SMAD2: variants seen among roughly 807,000 people sequenced by gnomAD.
The protein encoded by SMAD2 is MAD homolog 2.
In SMAD2, 8 loss-of-function variants were observed where a neutral mutation model predicts 64.4. The observed-to-expected ratio is 0.12, with a 90% CI of 0.07 to 0.22. The LOEUF (loss-of-function observed/expected upper bound fraction) is 0.22, where lower values mean the gene tolerates loss of function less well. Among genes scored for constraint, SMAD2 ranks in the 10% least tolerant of loss-of-function variants. The probability of loss-of-function intolerance (pLI) is 1.00; values close to 1 mark genes in which losing one functional copy is unlikely to be tolerated. For synonymous variants in SMAD2, 203 were observed against 195.8 expected (o/e 1.04, Z -0.31); for missense variants, 289 against 561.2 (o/e 0.51, Z 4.90).
chr18:47,890,190 C>G (rs75997371), intron 2 of SMAD2, among the ~76,000 whole-genome samples: 2 of 152,172 alleles, frequency 1.3e-5, no homozygotes. Context: ...GTGTGTTTCA[C>G]GTGATACTTG....
At chr18:47,861,864 CAT>C (rs373193660) in intron 6 of SMAD2, among the ~76,000 whole-genome samples, 9 of 152,312 alleles carry the variant, frequency 5.9e-5, no homozygotes, top group African/African-American at 1.9e-4. Flanking sequence ...GGTTAGAACA[CAT>C]AGATGCCTTA....
At position 47,845,459 on chromosome 18, in the gene SMAD2, G is replaced by T. The variant is rs2144288062; in HGVS notation, c.1161C>A (p.Asn387Lys). 1 of 1,613,624 alleles carries T rather than the reference G, an allele frequency of 6.2e-7. No individual in the cohort carries two copies. The change falls in exon 10 of 11, where the codon AAC becomes AAA. Residue 387 changes from asparagine to lysine, a missense_variant. This residue lies in a region of SMAD2 where 49 missense variants were observed against 101.1 expected (regional missense o/e 0.48). Coordinates refer to ENST00000262160, the MANE Select transcript of SMAD2 (RefSeq NM_005901.6). ...PPGCNLKIFN[N>K]QEFAALLAQS... Reference sequence around the variant, plus strand: ...GAGCCAGAAGAGCAGCAAATTCCTGGTTGTTGAAGATCTTCAGATTACAGC... The same window carrying T: ...GAGCCAGAAGAGCAGCAAATTCCTGTTTGTTGAAGATCTTCAGATTACAGC...
chr18:47,861,402 A>C (rs899086061), intron 6 of SMAD2, among the ~76,000 whole-genome samples: 2 of 152,208 alleles, frequency 1.3e-5, no homozygotes, highest in Non-Finnish European at 2.9e-5. Flanking sequence ...TCAAGAATCT[A>C]CAGAATTCTA....
intron 6 of SMAD2, among the ~76,000 whole-genome samples, chr18:47,857,712 C>A (rs531644508): frequency 3.3e-4 from 50 of 152,310 alleles, no homozygotes; most frequent in African/African-American, 1.2e-3. Context: ...AGACAAAGGA[C>A]TGAGCTTGCC....
At chr18:47,894,666 A>G (rs1044261086) in intron 2 of SMAD2, among the ~76,000 whole-genome samples, 1 of 152,242 alleles carries the variant, frequency 6.6e-6, no homozygotes, top group Non-Finnish European at 1.5e-5. Flanking sequence ...CCTCCTCTGG[A>G]TATAGCCCCA....
chr18:47,882,555 G>A (rs2032669892), intron 2 of SMAD2: 1 of 152,164 alleles, frequency 6.6e-6, no homozygotes, highest in African/African-American at 2.4e-5. Context: ...ACTCAATTAT[G>A]ATGTATTCTT....
intron 1 of SMAD2, among the ~76,000 whole-genome samples, chr18:47,901,547 T>C (rs1253598436): frequency 6.8e-6 from 1 of 146,186 alleles, no homozygotes. Context: ...ACATATTCTA[T>C]ATCCAATTTT....
intron 6 of SMAD2, among the ~76,000 whole-genome samples, chr18:47,851,547 T>C (rs2030082401): frequency 6.6e-6 from 1 of 152,138 alleles, no homozygotes; most frequent in Admixed American, 6.5e-5. Flanking sequence ...CAGTTTTGGC[T>C]TCTAGCCCAA....
chr18:47,929,605 T>C (rs1050247932), intron 1 of SMAD2, among the ~76,000 whole-genome samples: 9 of 152,208 alleles, frequency 5.9e-5, no homozygotes, highest in African/African-American at 2.2e-4. Flanking sequence ...TTTAAAGGTA[T>C]GGTTGACAAC....
At position 47,836,914 on chromosome 18, in the gene SMAD2, A is replaced by G. The variant is rs554523739; in HGVS notation, c.*4913T>C. On this transcript the variant is annotated 3_prime_UTR_variant, in exon 11 of 11. Coordinates refer to ENST00000262160, the MANE Select transcript of SMAD2 (RefSeq NM_005901.6). Reference sequence around the variant, plus strand: ...GTAATAAAAAATTGAAAAGGAAGATATAAAAAGAACTCAATAGCAGGATTC... The same window carrying G: ...GTAATAAAAAATTGAAAAGGAAGATGTAAAAAGAACTCAATAGCAGGATTC... The G allele has an allele frequency of 4.7e-6, 1 of 211,176 alleles. No homozygotes were observed. Among genetic ancestry groups the G allele is most frequent in the Non-Finnish European group, 9.6e-6 (1 of 103,958 alleles). The allele number at this position is 211,176 out of a possible 1,614,324, so 13.1% of individuals were successfully genotyped here. A position where few individuals can be genotyped will look rare whatever the true frequency, so the allele number is the denominator to read the frequency against.
At position 47,821,695 on chromosome 18, in the gene SMAD2, T is replaced by C. The variant is rs1210810096; in HGVS notation, c.*20132A>G. 6.6e-6 allele frequency: 1 copy of C among 152,224 alleles called. No individual in the cohort carries two copies. Among genetic ancestry groups the C allele is most frequent in the Non-Finnish European group, 1.5e-5 (1 of 68,032 alleles). The allele number at this position is 152,224 out of a possible 1,614,324, so 9.4% of individuals were successfully genotyped here. On this transcript the variant is annotated 3_prime_UTR_variant, in exon 11 of 11. Coordinates refer to ENST00000262160, the MANE Select transcript of SMAD2 (RefSeq NM_005901.6). The stretch of plus-strand genomic sequence containing the variant: ...AGTCACACTGCAAGAGATTTTTCTT[T>C]ACCATTTTGGCAACTGGCCTAAGAA...
intron 3 of SMAD2, 130 bp from the exon 4 acceptor site, chr18:47,869,566 T>C: frequency 1.4e-6 from 1 of 710,054 alleles, no homozygotes; most frequent in South Asian, 1.7e-5. Flanking sequence ...TTAGTTTTAG[T>C]GAGAATCAAG....
rs1912282318 is a variant in SMAD2 at position 47,813,774 on chromosome 18, G to C, written c.*28053C>G. On this transcript the variant is annotated 3_prime_UTR_variant, in exon 11 of 11. Coordinates refer to ENST00000262160, the MANE Select transcript of SMAD2 (RefSeq NM_005901.6). ...GCTATGTTGATCAGGCTGGAAACCTGGGTCTTGAATAATGGATACATTTGG... is the reference window on the plus strand; with the variant it reads ...GCTATGTTGATCAGGCTGGAAACCTCGGTCTTGAATAATGGATACATTTGG... 1.4e-5 allele frequency: 2 copies of C among 140,876 alleles called. No individual in the cohort carries two copies. The allele number at this position is 140,876 out of a possible 1,614,324, so 8.7% of individuals were successfully genotyped here.
intron 6 of SMAD2, among the ~76,000 whole-genome samples, chr18:47,862,355 T>C (rs1321113719): frequency 2.6e-5 from 4 of 152,180 alleles, no homozygotes; most frequent in African/African-American, 9.7e-5. Context: ...TTTCAGAGCT[T>C]TGAAGGACCT....
intron 2 of SMAD2, among the ~76,000 whole-genome samples, chr18:47,876,697 A>G (rs1017330880): frequency 2.0e-5 from 3 of 152,130 alleles, no homozygotes; most frequent in Non-Finnish European, 2.9e-5. Context: ...AACTTTTACA[A>G]TAAGTATTTC....
chr18:47,923,588 C>T (rs2034648331), intron 1 of SMAD2: 1 of 152,222 alleles, frequency 6.6e-6, no homozygotes, highest in Non-Finnish European at 1.5e-5. Context: ...AGCAGGTCTA[C>T]AGCAAAAATT....
Position 47,852,656 on chromosome 18 carries a change from C to T in SMAD2, c.731-1329G>A, listed in dbSNP as rs188345914. ...GTTAGTAACTTTCTAGGGTTTACTA[C>T]GAGACATTATTCTATGAAGGGTGAC... is the stretch of plus-strand genomic sequence containing the variant. On this transcript the variant is annotated intron_variant, in intron 6 of 10. Transcript: ENST00000262160. 2.4e-4 allele frequency among the ~76,000 whole-genome samples: 36 copies of T among 152,176 alleles called. No homozygotes were observed. In the East Asian group the frequency reaches 4.6e-3, roughly 20 times the overall value.
At chr18:47,914,556 A>G (rs2144523848) in intron 1 of SMAD2, among the ~76,000 whole-genome samples, 1 of 152,282 alleles carries the variant, frequency 6.6e-6, no homozygotes, top group Non-Finnish European at 1.5e-5. Flanking sequence ...AAAGATCAGA[A>G]ATTTGGTTTT....
chr18:47,926,232 T>G (rs967393009), intron 1 of SMAD2, among the ~76,000 whole-genome samples: 1 of 152,206 alleles, frequency 6.6e-6, no homozygotes, highest in Non-Finnish European at 1.5e-5. Flanking sequence ...AGCACAATCT[T>G]CAACCCCTTT....
Sources: allele counts gnomAD v4.1 joint callset (sites outside exome capture counted in the v4.1 genomes callset), GRCh38; gene constraint gnomAD v4.1.1; regional missense constraint gnomAD v4.1.1; transcripts MANE v1.5; gene names NCBI Gene and HGNC (gene_info 2026-07-23, HGNC 2026-07-21).